Variants in DAB1 observed in about 807,000 individuals in gnomAD.
DAB1 encodes the protein disabled homolog 1.
Under a neutral mutation model 64.6 loss-of-function variants are expected in DAB1, and 15 were observed. The observed-to-expected ratio is 0.23, with a 90% CI of 0.16 to 0.36. The LOEUF (loss-of-function observed/expected upper bound fraction) is 0.36. Ranked by LOEUF, DAB1 falls within the 10% of genes least tolerant of loss-of-function variation. DAB1 has a pLI of 1.00. For missense variants in DAB1, 596 were observed against 706.7 expected (o/e 0.84, Z 1.78); for synonymous variants, 235 against 251.9 (o/e 0.93, Z 0.64).
intron 3 of DAB1, among the ~76,000 whole-genome samples, chr1:58,373,126 T>A (rs996987994): frequency 6.6e-6 from 1 of 151,988 alleles, no homozygotes; most frequent in East Asian, 1.9e-4. Context: ...ATTAATAAAG[T>A]TTACTAATAC....
intron 1 of DAB1, among the ~76,000 whole-genome samples, chr1:57,380,788 A>G (rs940080435): frequency 6.6e-6 from 1 of 152,192 alleles, no homozygotes; most frequent in African/African-American, 2.4e-5. Flanking sequence ...GATTTATAAC[A>G]TGCAGGCTGT....
chr1:57,522,319 T>G (rs1644537347), intron 7 of DAB1, among the ~76,000 whole-genome samples: 1 of 152,162 alleles, frequency 6.6e-6, no homozygotes, highest in Non-Finnish European at 1.5e-5. Context: ...ACCAAAGGTC[T>G]ATTTGGTAGC....
At chr1:57,374,302 T>C (rs1558262684) in intron 1 of DAB1, among the ~76,000 whole-genome samples, 1 of 152,196 alleles carries the variant, frequency 6.6e-6, no homozygotes, top group East Asian at 1.9e-4. Flanking sequence ...ATGATATAGA[T>C]CATCCAACAG....
intron 4 of DAB1, among the ~76,000 whole-genome samples, chr1:58,211,374 G>A (rs577247977): frequency 6.6e-6 from 1 of 152,256 alleles, no homozygotes; most frequent in Non-Finnish European, 1.5e-5. Context: ...TTTCTCTGAA[G>A]TGATATTGAT....
chr1:57,860,231 A>G (rs932861453), intron 1 of DAB1, among the ~76,000 whole-genome samples: 1 of 152,218 alleles, frequency 6.6e-6, no homozygotes, highest in Non-Finnish European at 1.5e-5. Context: ...ATGCCTACTT[A>G]GTATGAAAGA....
At chr1:57,146,855 A>T (rs1224016597) in intron 2 of DAB1, among the ~76,000 whole-genome samples, 2 of 152,194 alleles carry the variant, frequency 1.3e-5, no homozygotes, top group Non-Finnish European at 2.9e-5. Context: ...GTTTGGAATC[A>T]TAGGTCCCTC....
intron 5 of DAB1, among the ~76,000 whole-genome samples, chr1:58,133,080 C>A (rs1357050725): frequency 6.6e-6 from 1 of 152,182 alleles, no homozygotes; most frequent in Non-Finnish European, 1.5e-5. Context: ...TCTCTGTCCC[C>A]TTCTTCCATT....
At chr1:57,519,038 C>T (rs530707906) in intron 7 of DAB1, among the ~76,000 whole-genome samples, 4 of 152,116 alleles carry the variant, frequency 2.6e-5, no homozygotes, top group East Asian at 3.9e-4. Flanking sequence ...ATTTCTTCGG[C>T]GCATAGAAAA....
intron 5 of DAB1, among the ~76,000 whole-genome samples, chr1:58,124,099 C>A (rs764903468): frequency 5.9e-5 from 9 of 151,834 alleles, no homozygotes; most frequent in Non-Finnish European, 1.0e-4. Context: ...AGTATGTGTG[C>A]GTGCATGTTT....
At chr1:57,807,149 T>G (rs1348320423) in intron 6 of DAB1, among the ~76,000 whole-genome samples, 1 of 152,210 alleles carries the variant, frequency 6.6e-6, no homozygotes, top group African/African-American at 2.4e-5. Flanking sequence ...TTCTCCATGT[T>G]TACACTTCTG....
intron 4 of DAB1, among the ~76,000 whole-genome samples, chr1:58,239,972 T>G (rs1660216088): frequency 6.6e-6 from 1 of 152,168 alleles, no homozygotes; most frequent in South Asian, 2.1e-4. Context: ...AAACATTAAA[T>G]GTAAAGTTGT....
At chr1:58,415,481 A>C in intron 3 of DAB1, 1 of 244,160 alleles carries the variant, frequency 4.1e-6, no homozygotes, top group Non-Finnish European at 6.6e-6. Context: ...GGATACATGC[A>C]TATCCTAGAA....
intron 2 of DAB1, among the ~76,000 whole-genome samples, chr1:57,232,242 T>C (rs886792482): frequency 6.6e-6 from 1 of 150,668 alleles, no homozygotes; most frequent in Non-Finnish European, 1.5e-5. Context: ...AAACCCATTA[T>C]TATTCCTGCA....
chr1:57,950,970 A>C (rs1256094593), intron 5 of DAB1, among the ~76,000 whole-genome samples: 1 of 152,136 alleles, frequency 6.6e-6, no homozygotes, highest in African/African-American at 2.4e-5. Flanking sequence ...TATTTGCTAT[A>C]CTGAATGCAG....
At chr1:57,257,219 T>C (rs1669832267) in intron 2 of DAB1, among the ~76,000 whole-genome samples, 1 of 152,302 alleles carries the variant, frequency 6.6e-6, no homozygotes, top group Non-Finnish European at 1.5e-5. Flanking sequence ...AACTGGGCAT[T>C]AGCCCCTACT....
At chr1:57,144,433 C>T (rs970425163) in intron 3 of DAB1, among the ~76,000 whole-genome samples, 6 of 152,000 alleles carry the variant, frequency 3.9e-5, no homozygotes, top group Non-Finnish European at 7.4e-5. Context: ...CAGTGGCTCA[C>T]GCCTGTAATC....
intron 3 of DAB1, among the ~76,000 whole-genome samples, chr1:58,425,561 C>T (rs1314026036): frequency 1.3e-5 from 2 of 152,082 alleles, no homozygotes; most frequent in African/African-American, 2.4e-5. Flanking sequence ...GGGCAAAGAA[C>T]TTGCCAAGGA....
chr1:57,934,044 C>T (rs12047866), intron 5 of DAB1, among the ~76,000 whole-genome samples: 2,872 of 148,312 alleles, frequency 0.019, 61 homozygotes, highest in East Asian at 0.082. Flanking sequence ...TATAGGCGTC[C>T]GCCACCAAGC....
At chr1:58,101,763 C>T (rs1202294184) in intron 5 of DAB1, among the ~76,000 whole-genome samples, 1 of 152,130 alleles carries the variant, frequency 6.6e-6, no homozygotes, top group Non-Finnish European at 1.5e-5. Flanking sequence ...TTGGTTTAAA[C>T]TGTAAAAGCA....
Sources: allele counts gnomAD v4.1 joint callset (sites outside exome capture counted in the v4.1 genomes callset), GRCh38; gene constraint gnomAD v4.1.1; transcripts MANE v1.5; gene names NCBI Gene and HGNC (gene_info 2026-07-23, HGNC 2026-07-21).